Variants in NYAP2 observed in about 807,000 individuals in gnomAD.
NYAP2 encodes neuronal tyrosine-phosphorylated phosphoinositide-3-kinase adaptor 2.
A neutral mutation model predicts 50.4 loss-of-function variants in NYAP2; 23 were observed. That is an observed-to-expected ratio of 0.46 (90% CI 0.33 to 0.65). The LOEUF (loss-of-function observed/expected upper bound fraction) is 0.65, where lower values mean the gene tolerates loss of function less well. NYAP2 is among the 30% of genes least tolerant of loss of function. The probability of loss-of-function intolerance (pLI) is 0.02; values close to 1 mark genes in which losing one functional copy is unlikely to be tolerated. For missense variants in NYAP2, 885 were observed against 861.0 expected, an observed-to-expected ratio of 1.03 and a Z score of -0.35; for synonymous variants, 394 against 365.2, an observed-to-expected ratio of 1.08 and a Z score of -0.90.
chr2:225,537,822 C>A (rs1036078726), intron 4 of NYAP2, among the ~76,000 whole-genome samples: 2 of 152,188 alleles, frequency 1.3e-5, no homozygotes, highest in African/African-American at 4.8e-5. Context: ...GTCCCTTCTG[C>A]CTTTGAGCCT....
chr2:225,451,955 TACACACACACGTATATATACACAC>T (rs1689661400), intron 3 of NYAP2, among the ~76,000 whole-genome samples: 1 of 151,916 alleles, frequency 6.6e-6, no homozygotes, highest in Non-Finnish European at 1.5e-5. Context: ...TATATGCACA[TACACACACACGTATATATACACAC>T]ACACACATAA....
rs188600400 is a variant in NYAP2 at position 225,490,986 on chromosome 2, G to T, written c.222-22385G>T. 5.8e-3 allele frequency among the ~76,000 whole-genome samples: 876 copies of T among 152,214 alleles called. 17 individuals are homozygous for T. Among genetic ancestry groups the T allele is most frequent in the Non-Finnish European group, 4.5e-3 (308 of 68,018 alleles). On this transcript the variant is annotated intron_variant, in intron 3 of 6. Transcript: ENST00000636099. ...ATTATTTAACCAGTATTTCCTGAAGGTGTTCGTGTTCTAAGCACTGCCCTA... is the reference window on the plus strand; with the variant it reads ...ATTATTTAACCAGTATTTCCTGAAGTTGTTCGTGTTCTAAGCACTGCCCTA...
Position 225,643,839 on chromosome 2 carries a change from A to G in NYAP2, c.1829-7593A>G, listed in dbSNP as rs1174907323. Among the ~76,000 whole-genome samples the G allele has an allele frequency of 2.0e-5, 3 of 151,070 alleles. No homozygotes were observed. In the East Asian group the frequency reaches 5.8e-4, roughly 29 times the overall value. On this transcript the variant is annotated intron_variant, in intron 6 of 6. Transcript: ENST00000636099. ...GTGCCACATTTTCTTAATCCAGTCT[A>G]TCATTGTTGGACATTTGGGTTGGTT...
chr2:225,651,908 T>A (rs1365300859), exon 7 of NYAP2: 1 of 187,418 alleles, frequency 5.3e-6, no homozygotes. Flanking sequence ...TCTCTGAAAA[T>A]TTATCAATAT....
chr2:225,458,614 C>G lies in NYAP2; in HGVS notation c.221+49513C>G, dbSNP rs569670475. ...ACTGAAGAAGAACATTCTGTTAAAT[C>G]CAGGTTCACAAGAGCAGAAGCCTGA... On this transcript the variant is annotated intron_variant, in intron 3 of 6. Transcript: ENST00000636099. Among the ~76,000 whole-genome samples, 5 of 152,266 alleles carry G rather than the reference C, an allele frequency of 3.3e-5. No individual in the cohort carries two copies. In the East Asian group the frequency reaches 9.6e-4, roughly 29 times the overall value.
exon 1 of NYAP2, chr2:225,400,155 T>A (rs1212517837): frequency 6.6e-6 from 1 of 152,082 alleles, no homozygotes; most frequent in Non-Finnish European, 1.5e-5. Flanking sequence ...ATGGGCCTAG[T>A]GAGCAGGAAC....
At chr2:225,452,695 T>C (rs943757733) in intron 3 of NYAP2, among the ~76,000 whole-genome samples, 1 of 152,230 alleles carries the variant, frequency 6.6e-6, no homozygotes, top group African/African-American at 2.4e-5. Flanking sequence ...ATTAGTCTTT[T>C]GTTATTGTTT....
At chr2:225,611,275 T>C (rs527900888) in intron 5 of NYAP2, among the ~76,000 whole-genome samples, 5 of 152,134 alleles carry the variant, frequency 3.3e-5, no homozygotes, top group African/African-American at 4.8e-5. Context: ...AGAGTGATCT[T>C]TTACAAATCT....
intron 3 of NYAP2, among the ~76,000 whole-genome samples, chr2:225,472,104 A>T (rs558145241): frequency 6.6e-6 from 1 of 152,326 alleles, no homozygotes; most frequent in African/African-American, 2.4e-5. Flanking sequence ...TGACTTGCTT[A>T]AAGCCATATG....
chr2:225,476,755 T>A (rs566210393), intron 3 of NYAP2, among the ~76,000 whole-genome samples: 1 of 152,316 alleles, frequency 6.6e-6, no homozygotes, highest in South Asian at 2.1e-4. Flanking sequence ...ACATACATCA[T>A]TATATAGCAA....
intron 5 of NYAP2, among the ~76,000 whole-genome samples, chr2:225,586,976 G>T (rs972431597): frequency 4.6e-5 from 7 of 152,186 alleles, no homozygotes; most frequent in South Asian, 2.1e-4. Flanking sequence ...ATGATGGAAG[G>T]CGGAGGGGAA....
chr2:225,622,541 C>A, intron 5 of NYAP2, among the ~76,000 whole-genome samples: 1 of 64,680 alleles, frequency 1.5e-5, no homozygotes, highest in African/African-American at 6.8e-5. Context: ...TTCTTTCTTT[C>A]TTTCTTTCTT....
chr2:225,638,587 A>G (rs1330132517), intron 6 of NYAP2, among the ~76,000 whole-genome samples: 2 of 152,138 alleles, frequency 1.3e-5, no homozygotes, highest in Non-Finnish European at 2.9e-5. Flanking sequence ...GGTGCCCTAC[A>G]GGATACCCAG....
intron 4 of NYAP2, among the ~76,000 whole-genome samples, chr2:225,519,415 C>A (rs541930771): frequency 4.4e-5 from 5 of 113,190 alleles, no homozygotes; most frequent in African/African-American, 1.7e-4. Flanking sequence ...AAAGCTGTCC[C>A]TCCCCCTCCC....
the NYAP2 span, chr2:225,698,650 G>A: frequency 6.6e-6 from 1 of 152,176 alleles, no homozygotes; most frequent in Admixed American, 6.6e-5. Context: ...GGAGTGGAAT[G>A]CCACGGGAAG....
At chr2:225,500,770 A>G (rs911842702) in intron 3 of NYAP2, among the ~76,000 whole-genome samples, 1 of 152,200 alleles carries the variant, frequency 6.6e-6, no homozygotes, top group South Asian at 2.1e-4. Flanking sequence ...CTCTGCTAGA[A>G]GGTCAATGAA....
intron 4 of NYAP2, among the ~76,000 whole-genome samples, chr2:225,540,026 CT>C (rs1282320665): frequency 1.3e-5 from 2 of 152,240 alleles, no homozygotes; most frequent in Non-Finnish European, 2.9e-5. Context: ...ACAAGCATCA[CT>C]TTTGCTCCAG....
intron 3 of NYAP2, among the ~76,000 whole-genome samples, chr2:225,455,359 C>A (rs1195609165): frequency 6.6e-6 from 1 of 152,198 alleles, no homozygotes; most frequent in East Asian, 1.9e-4. Flanking sequence ...AAAATGTGCA[C>A]CTCTAATCTA....
intron 5 of NYAP2, among the ~76,000 whole-genome samples, chr2:225,589,721 C>T (rs1222885671): frequency 1.3e-5 from 2 of 151,648 alleles, no homozygotes; most frequent in African/African-American, 2.4e-5. Context: ...AATTACATTT[C>T]GTTTTCATTA....
Sources: allele counts gnomAD v4.1 joint callset (sites outside exome capture counted in the v4.1 genomes callset), GRCh38; gene constraint gnomAD v4.1.1; transcripts MANE v1.5; gene names NCBI Gene and HGNC (gene_info 2026-07-23, HGNC 2026-07-21).